Variants in ARHGEF12 observed in about 807,000 individuals in gnomAD.
The protein encoded by ARHGEF12 is Rho guanine nucleotide exchange factor 12.
ARHGEF12 carries 66 observed loss-of-function variants against 211.2 expected under a neutral mutation model. The observed-to-expected ratio is 0.31, with a 90% CI of 0.26 to 0.38. ARHGEF12 has a LOEUF of 0.38. ARHGEF12 is among the 10% of genes least tolerant of loss of function. The pLI is 1.00. For synonymous variants in ARHGEF12, 592 were observed against 638.4 expected (o/e 0.93, Z 1.09); for missense variants, 1,429 against 1,869.5 (o/e 0.76, Z 4.34).
At chr11:120,475,722 G>T (rs1418924605) in intron 33 of ARHGEF12, among the ~76,000 whole-genome samples, 1 of 147,048 alleles carries the variant, frequency 6.8e-6, no homozygotes, top group Non-Finnish European at 1.5e-5. Context: ...TTCTGCATTT[G>T]AAAATTTTTA....
chr11:120,442,425 TATACACACACACAC>T (rs1945899610), intron 15 of ARHGEF12, among the ~76,000 whole-genome samples: 1 of 130,484 alleles, frequency 7.7e-6, no homozygotes, highest in Non-Finnish European at 1.7e-5. Flanking sequence ...TATATATATA[TATACACACACACAC>T]ACACACACAC....
rs1946049793 is a variant in ARHGEF12 at position 120,446,434 on chromosome 11, T to C, written c.1377T>C (p.Asp459=). ...GAAGACCTGAGCTCATTCCTGAGGATCTGCATCGCCACTATATCCAAACTA... is the reference window on the plus strand; with the variant it reads ...GAAGACCTGAGCTCATTCCTGAGGACCTGCATCGCCACTATATCCAAACTA... ...EKRRPELIPE[D]LHRHYIQTMQ... The change falls in exon 17 of 41, where the codon GAT becomes GAC. Residue 459 remains aspartate, a synonymous_variant. Transcript: ENST00000397843. 6.2e-7 allele frequency: 1 copy of C among 1,613,028 alleles called. No individual in the cohort carries two copies. Among genetic ancestry groups the C allele is most frequent in the South Asian group, 1.1e-5 (1 of 90,886 alleles).
At chr11:120,475,296 TC>T (rs751630681) in intron 32 of ARHGEF12, 43 bp from the exon 33 acceptor site, 1 of 1,557,378 alleles carries the variant, frequency 6.4e-7, no homozygotes, top group South Asian at 1.1e-5. Flanking sequence ...CAAACGCGTC[TC>T]CATTTCTGTA....
At position 120,487,733 on chromosome 11, in the gene ARHGEF12, CTG is replaced by C. The variant is rs1427010458; in HGVS notation, c.*2659_*2660del. The C allele has an allele frequency of 1.4e-5, 3 of 221,636 alleles. No homozygotes were observed. The highest frequency in any genetic ancestry group is 1.2e-4 in the Admixed American group (2 of 17,366). The allele number at this position is 221,636 out of a possible 1,614,324, so 13.7% of individuals were successfully genotyped here. On this transcript the variant is annotated 3_prime_UTR_variant, in exon 41 of 41. Transcript: ENST00000397843. ...GCTATGGAAGTGACCTGCTGTGACA[CTG>C]TGCTCTCTTCTGTGGGCTTAATGGT... is the stretch of plus-strand genomic sequence containing the variant.
At chr11:120,463,525 CAAAAAAAAAAAAA>C (rs11315620) in intron 27 of ARHGEF12, 2 of 81,678 alleles carry the variant, frequency 2.4e-5, no homozygotes, top group Non-Finnish European at 2.5e-5. Context: ...AACTCAGTCT[CAAAAAAAAAAAAA>C]AAAAAAAACC....
rs548013939 is a variant in ARHGEF12 at position 120,441,606 on chromosome 11, G to A, written c.1093-101G>A. The stretch of plus-strand genomic sequence containing the variant: ...TTTTAAATCTTGAATTTTTTATAGG[G>A]AGATCAAAGTGAAATTTGGATAGCT... On this transcript the variant is annotated intron_variant, in intron 13 of 40. Transcript: ENST00000397843. The A allele has an allele frequency of 6.8e-5, 55 of 813,850 alleles. No homozygotes were observed. The African/African-American group carries it at 9.4e-4, about 14-fold the overall frequency. The allele number at this position is 813,850 out of a possible 1,614,324, so 50.4% of individuals were successfully genotyped here.
In ARHGEF12 at chr11:120,488,161, T is replaced by C. The variant is rs1222993569; in HGVS notation, c.*3084T>C. Reference sequence around the variant, plus strand: ...AGAAGCTAAAGAAAGTAATTATGCTTCCTGTGAATTGTCTTTTACTGGCAT... The same window carrying C: ...AGAAGCTAAAGAAAGTAATTATGCTCCCTGTGAATTGTCTTTTACTGGCAT... On this transcript the variant is annotated 3_prime_UTR_variant, in exon 41 of 41. Transcript: ENST00000397843. 4.6e-6 allele frequency: 1 copy of C among 216,950 alleles called. No homozygotes were observed. Among genetic ancestry groups the C allele is most frequent in the Non-Finnish European group, 9.3e-6 (1 of 107,850 alleles). 13.4% of individuals were successfully genotyped at this position (216,950 alleles called of 1,614,324 possible). A position where few individuals can be genotyped will look rare whatever the true frequency, so the allele number is the denominator to read the frequency against.
In ARHGEF12 at chr11:120,451,731, T is replaced by C; in HGVS notation, c.2056+7T>C. On this transcript the variant is annotated splice_region_variant and intron_variant, in intron 22 of 40. Transcript: ENST00000397843. ...GGGAAAGAGAATGATACAGGTGAGC[T>C]ATTACTGTAGTTCAGCTTAACTAAG... 6.2e-7 allele frequency: 1 copy of C among 1,611,288 alleles called. No individual in the cohort carries two copies. Among genetic ancestry groups the C allele is most frequent in the Non-Finnish European group, 8.5e-7 (1 of 1,178,132 alleles).
At chr11:120,459,825 CAGCCACCTG>C (rs1403336841) in intron 26 of ARHGEF12, among the ~76,000 whole-genome samples, 1 of 152,192 alleles carries the variant, frequency 6.6e-6, no homozygotes, top group African/African-American at 2.4e-5. Context: ...CCTCCCACCT[CAGCCACCTG>C]AGTAACTGGG....
chr11:120,369,753 A>G (rs1263134359), intron 1 of ARHGEF12, among the ~76,000 whole-genome samples: 1 of 152,246 alleles, frequency 6.6e-6, no homozygotes, highest in Non-Finnish European at 1.5e-5. Context: ...TCTGATTTTA[A>G]AATTTTCTTT....
chr11:120,344,265 CAAAAAAAAAAAAA>C lies in ARHGEF12; in HGVS notation c.32+7007_32+7019del, dbSNP rs71473103. ...TGGATGACAGAGCAAGACTCCGTCT[CAAAAAAAAAAAAA>C]AAAAAAAAAAAAAAAACTGGAGACT... On this transcript the variant is annotated intron_variant, in intron 1 of 40. Coordinates refer to ENST00000397843, the MANE Select transcript of ARHGEF12 (RefSeq NM_015313.3). Among the ~76,000 whole-genome samples the C allele has an allele frequency of 4.5e-3, 241 of 53,034 alleles. 2 individuals are homozygous for C. The highest frequency in any genetic ancestry group is 0.016 in the African/African-American group (222 of 13,872). 34.8% of individuals were successfully genotyped at this position (53,034 alleles called of 152,430 possible).
chr11:120,408,963 C>G (rs1187782487), intron 3 of ARHGEF12: 1 of 153,984 alleles, frequency 6.5e-6, no homozygotes, highest in Non-Finnish European at 1.4e-5. Flanking sequence ...CCAATAAGGT[C>G]AAAAGTTTCT....
chr11:120,347,362 T>G (rs969830148), intron 1 of ARHGEF12, among the ~76,000 whole-genome samples: 2 of 151,316 alleles, frequency 1.3e-5, no homozygotes, highest in African/African-American at 4.9e-5. Context: ...AGATTTGATT[T>G]GCAGAGGTTT....
At chr11:120,352,525 A>G (rs969529517) in intron 1 of ARHGEF12, among the ~76,000 whole-genome samples, 3 of 152,176 alleles carry the variant, frequency 2.0e-5, no homozygotes, top group African/African-American at 7.2e-5. Context: ...TTTATCATTT[A>G]GTTTATATTT....
intron 1 of ARHGEF12, among the ~76,000 whole-genome samples, chr11:120,400,028 CTT>C (rs1349137170): frequency 1.3e-5 from 2 of 152,156 alleles, no homozygotes; most frequent in Non-Finnish European, 2.9e-5. Flanking sequence ...AAAGCTAAGA[CTT>C]TCTACTTTTT....
intron 39 of ARHGEF12, among the ~76,000 whole-genome samples, chr11:120,483,026 A>G (rs1947294840): frequency 6.6e-6 from 1 of 152,160 alleles, no homozygotes; most frequent in African/African-American, 2.4e-5. Flanking sequence ...TTGCTTAGCA[A>G]TGGGGATATA....
rs1160890513 is a variant in ARHGEF12, at chr11:120,450,382, A to AC, written c.1844-1130_1844-1129insC. The AC allele has an allele frequency of 5.3e-5, 8 of 152,056 alleles. No homozygotes were observed. The East Asian group carries it at 7.8e-4, about 15-fold the overall frequency. 9.4% of individuals were successfully genotyped at this position (152,056 alleles called of 1,614,324 possible). A position where few individuals can be genotyped will look rare whatever the true frequency, so the allele number is the denominator to read the frequency against. ...TGAAACACTGTCTCAAAAAAAAAAA[A>AC]AAAAAAAAAAAGATATTGGCATGGT... On this transcript the variant is annotated intron_variant, in intron 21 of 40. Coordinates refer to ENST00000397843, the MANE Select transcript of ARHGEF12 (RefSeq NM_015313.3).
At chr11:120,442,326 C>A in intron 15 of ARHGEF12, 124 bp downstream of exon 15, 8 of 569,858 alleles carry the variant, frequency 1.4e-5, no homozygotes, top group Admixed American at 4.0e-5. Flanking sequence ...TATTATATTT[C>A]AATTATTGAT....
At chr11:120,467,753 A>G (rs1946750833) in intron 29 of ARHGEF12, among the ~76,000 whole-genome samples, 1 of 152,052 alleles carries the variant, frequency 6.6e-6, no homozygotes, top group African/African-American at 2.4e-5. Context: ...CTAACAAGAT[A>G]TGATCTAGTC....
Sources: allele counts gnomAD v4.1 joint callset (sites outside exome capture counted in the v4.1 genomes callset), GRCh38; gene constraint gnomAD v4.1.1; transcripts MANE v1.5; gene names NCBI Gene and HGNC (gene_info 2026-07-23, HGNC 2026-07-21).